The following L3MBTL2 variants were observed in gnomAD, a reference collection of about 807,000 sequenced individuals.
L3MBTL2 encodes lethal(3)malignant brain tumor-like protein 2.
A neutral mutation model predicts 86.4 loss-of-function variants in L3MBTL2; 49 were observed. The observed-to-expected ratio is 0.57, with a 90% CI of 0.45 to 0.72. The LOEUF (loss-of-function observed/expected upper bound fraction) is 0.72, where lower values mean the gene tolerates loss of function less well. Ranked by LOEUF, L3MBTL2 falls within the 30% of genes least tolerant of loss-of-function variation. The probability of loss-of-function intolerance (pLI) is 0.00; values close to 1 mark genes in which losing one functional copy is unlikely to be tolerated. For synonymous variants in L3MBTL2, 336 were observed against 350.6 expected (o/e 0.96, Z 0.47); for missense variants, 755 against 923.7 (o/e 0.82, Z 2.37).
Position 41,227,861 on chromosome 22 carries a change from G to A in L3MBTL2, c.1880G>A (p.Gly627Glu), listed in dbSNP as rs2032298474. The change falls in exon 15 of 17, where the codon GGG becomes GAG. Residue 627 changes from glycine to glutamate, a missense_variant. Gly to Glu is a moderately conservative substitution (Grantham distance 98, BLOSUM62 -2). Transcript: ENST00000216237. This position sits in a 1 kb window ranked among gnomAD's most constrained non-coding sequence, Gnocchi z 6.0. ...ACAAAGAAGAAAAAGAAACAGTTTG[G>A]GAAGAAAAGTAAGTGCTGCACCGGT... The part of the protein sequence containing the change: ...EATKKKKKQF[G>E]KKRKRIPPTK... The A allele has an allele frequency of 6.2e-7, 1 of 1,613,462 alleles. No homozygotes were observed. Among genetic ancestry groups the A allele is most frequent in the Admixed American group, 1.7e-5 (1 of 59,976 alleles).
rs556567485 is a variant in L3MBTL2 at position 41,225,231 on chromosome 22, C to G, written c.1356+160C>G. ...CTGACTTTTGTGAGTGGGGCCTGGC[C>G]TGCCCCTTGCTCAGAATCTGCTTTC... On this transcript the variant is annotated intron_variant, in intron 11 of 16. Transcript: ENST00000216237. The surrounding 1 kb of genome is among the most constrained non-coding windows in gnomAD (Gnocchi z 4.1). Among the ~76,000 whole-genome samples the G allele has an allele frequency of 2.4e-4, 37 of 152,352 alleles. No individual in the cohort carries two copies. Among genetic ancestry groups the G allele is most frequent in the African/African-American group, 8.9e-4 (37 of 41,586 alleles).
At chr22:41,214,986 G>C (rs1343912942) in intron 3 of L3MBTL2, among the ~76,000 whole-genome samples, 18 of 122,690 alleles carry the variant, frequency 1.5e-4, no homozygotes, top group Admixed American at 1.2e-3. Context: ...ACTCCAGCCT[G>C]GGGGGAAAAT....
intron 3 of L3MBTL2, chr22:41,214,618 A>C (rs1268238941): frequency 1.3e-5 from 2 of 152,202 alleles, no homozygotes; most frequent in Non-Finnish European, 2.9e-5. Context: ...ACCTCATCTC[A>C]GGGGCCTCAT....
At chr22:41,228,852 A>ACC (rs1555921639) in intron 15 of L3MBTL2, among the ~76,000 whole-genome samples, 2 of 126,030 alleles carry the variant, frequency 1.6e-5, no homozygotes, top group African/African-American at 6.8e-5. Context: ...TCCATCGCAC[A>ACC]AAAAAAAAAA....
chr22:41,226,796 C>G lies in L3MBTL2; in HGVS notation c.1587+52C>G, dbSNP rs770163537. The stretch of plus-strand genomic sequence containing the variant: ...GCCTGCGGTGGCCTCAGGACAGGCC[C>G]TGCCTGCTGCTGTCAGTGGTGGCAG... On this transcript the variant is annotated intron_variant, in intron 13 of 16. Coordinates refer to ENST00000216237, the MANE Select transcript of L3MBTL2 (RefSeq NM_031488.5). 42 of 1,260,720 alleles carry G rather than the reference C, an allele frequency of 3.3e-5. No homozygotes were observed. In the South Asian group the frequency reaches 4.9e-4, roughly 15 times the overall value. 78.1% of individuals were successfully genotyped at this position (1,260,720 alleles called of 1,614,324 possible). A position where few individuals can be genotyped will look rare whatever the true frequency, so the allele number is the denominator to read the frequency against.
chr22:41,208,291 G>C, intron 1 of L3MBTL2: 1 of 442,954 alleles, frequency 2.3e-6, no homozygotes. Context: ...CACCACACCT[G>C]GCTAATTTTT....
At position 41,224,267 on chromosome 22, in the gene L3MBTL2, G is replaced by T; in HGVS notation, c.1174+16G>T. On this transcript the variant is annotated intron_variant, in intron 9 of 16. Transcript: ENST00000216237. The surrounding 1 kb of genome is among the most constrained non-coding windows in gnomAD (Gnocchi z 4.9). Reference sequence around the variant, plus strand: ...AAGATGTCAGGTTAGCAGAGCCCCAGGCCAGAGGGACTGCATGCTGTGCTT... The same window carrying T: ...AAGATGTCAGGTTAGCAGAGCCCCATGCCAGAGGGACTGCATGCTGTGCTT... 1 of 1,592,368 alleles carries T rather than the reference G, an allele frequency of 6.3e-7. No homozygotes were observed. Among genetic ancestry groups the T allele is most frequent in the South Asian group, 1.1e-5 (1 of 90,458 alleles).
At position 41,209,922 on chromosome 22, in the gene L3MBTL2, G is replaced by A. The variant is rs1437133394; in HGVS notation, c.251G>A (p.Gly84Asp). Residue 84 changes from glycine (G) to aspartate (D), a missense_variant, in exon 2 of 17, where the codon GGT becomes GAT. Gly to Asp is a moderately conservative substitution (Grantham distance 94). This residue lies in a region of L3MBTL2 where 103 missense variants were observed against 105.2 expected (regional missense o/e 0.98). Coordinates refer to ENST00000216237, the MANE Select transcript of L3MBTL2 (RefSeq NM_031488.5). ...ACTCCTCGCTCCTTGGATGGCAGTG[G>A]TTCTGAGCCAGGTGCCTTCAGAGTG... The part of the protein sequence containing the change: ...PGTPRSLDGS[G>D]SEPAVCEMCG... 1 of 1,613,710 alleles carries A rather than the reference G, an allele frequency of 6.2e-7. No individual in the cohort carries two copies. The highest frequency in any genetic ancestry group is 8.5e-7 in the Non-Finnish European group (1 of 1,179,742).
Position 41,224,147 on chromosome 22 carries a change from A to G in L3MBTL2, c.1070A>G (p.Tyr357Cys), listed in dbSNP as rs1293438850. ...TVIGGRLRLL[Y>C]EDGDSDDDFW... ...ATCGGGGGTCGCCTACGGCTCCTCT[A>G]CGAGGATGGTGACAGTGACGACGAC... is the stretch of plus-strand genomic sequence containing the variant. Residue 357 changes from tyrosine to cysteine, a missense_variant, in exon 9 of 17, where the codon TAC becomes TGC. Transcript: ENST00000216237. This position sits in a 1 kb window ranked among gnomAD's most constrained non-coding sequence, Gnocchi z 4.9. The G allele has an allele frequency of 2.5e-6, 4 of 1,614,034 alleles. No individual in the cohort carries two copies. The highest frequency in any genetic ancestry group is 2.2e-5 in the East Asian group (1 of 44,872).
At chr22:41,226,192 G>A (rs1237311029) in intron 12 of L3MBTL2, among the ~76,000 whole-genome samples, 2 of 152,150 alleles carry the variant, frequency 1.3e-5, no homozygotes, top group African/African-American at 4.8e-5. Flanking sequence ...CAGGAGAATT[G>A]CTTGAACCCA....
intron 2 of L3MBTL2, among the ~76,000 whole-genome samples, chr22:41,212,419 C>T (rs2030952666): frequency 7.4e-6 from 1 of 134,748 alleles, no homozygotes; most frequent in Non-Finnish European, 1.6e-5. Flanking sequence ...TTTTTTGAGA[C>T]AGCGTTTCAC....
At position 41,224,312 on chromosome 22, in the gene L3MBTL2, G is replaced by A. The variant is rs2032037926; in HGVS notation, c.1174+61G>A. 1 of 1,365,496 alleles carries A rather than the reference G, an allele frequency of 7.3e-7. No individual in the cohort carries two copies. The highest frequency in any genetic ancestry group is 1.0e-6 in the Non-Finnish European group (1 of 973,098). 84.6% of individuals were successfully genotyped at this position (1,365,496 alleles called of 1,614,324 possible). A position where few individuals can be genotyped will look rare whatever the true frequency, so the allele number is the denominator to read the frequency against. On this transcript the variant is annotated intron_variant, in intron 9 of 16. Coordinates refer to ENST00000216237, the MANE Select transcript of L3MBTL2 (RefSeq NM_031488.5). This position sits in a 1 kb window ranked among gnomAD's most constrained non-coding sequence, Gnocchi z 4.9. ...GTGCTTCCCCAGGGACGGAGTGGGAGCACCTTCCTACTCGTCACAGCAGGT... is the reference window on the plus strand; with the variant it reads ...GTGCTTCCCCAGGGACGGAGTGGGAACACCTTCCTACTCGTCACAGCAGGT...
chr22:41,223,957 A>G, intron 8 of L3MBTL2, 63 bp from the exon 9 acceptor site: 1 of 1,296,064 alleles, frequency 7.7e-7, no homozygotes. Flanking sequence ...CACTCACCAG[A>G]GCAGGAGGGT....
intron 15 of L3MBTL2, chr22:41,228,277 G>C (rs1346267364): frequency 1.0e-5 from 10 of 985,352 alleles, no homozygotes; most frequent in Non-Finnish European, 1.2e-5. Context: ...TTCTTACCTC[G>C]AGACCTCTTT....
Position 41,230,076 on chromosome 22 carries a change from T to TCCACCC in L3MBTL2, c.2006-61_2006-60insACCCCC. The TCCACCC allele has an allele frequency of 4.4e-6, 4 of 912,384 alleles. No individual in the cohort carries two copies. The South Asian group carries it at 4.8e-5, about 11-fold the overall frequency. The allele number at this position is 912,384 out of a possible 1,614,324, so 56.5% of individuals were successfully genotyped here. A position where few individuals can be genotyped will look rare whatever the true frequency, so the allele number is the denominator to read the frequency against. On this transcript the variant is annotated intron_variant, in intron 16 of 16. Transcript: ENST00000216237. ...GGAGCCAGGTCCCTTTCCCAGCTCC[T>TCCACCC]CCGCCCCCACCCCTCCCAGAGTTAT...
chr22:41,211,911 C>T (rs139442), intron 2 of L3MBTL2, among the ~76,000 whole-genome samples: 52,476 of 115,100 alleles, frequency 0.46, 11,312 homozygotes, highest in African/African-American at 0.59. Context: ...TCACCCAGGC[C>T]GGAACGCAGT....
At position 41,220,866 on chromosome 22, in the gene L3MBTL2, G is replaced by A. The variant is rs1204966466; in HGVS notation, c.851G>A (p.Arg284Gln). The part of the protein sequence containing the change: ...AINSKILVPP[R>Q]TIHAKFTDWK... ...AACAGCAAGATCCTAGTGCCCCCAC[G>A]GAGTGAGTTGATGAGAACATTTCCT... Residue 284 changes from arginine to glutamine, a missense_variant and splice_region_variant, in exon 7 of 17, where the codon CGG becomes CAG. Arg to Gln is a conservative substitution (Grantham distance 43). Around this residue, in one of 3 missense-constraint regions of L3MBTL2, gnomAD observed 634 missense variants for 748.9 expected, o/e 0.85. Transcript: ENST00000216237. 22 of 1,612,674 alleles carry A rather than the reference G, an allele frequency of 1.4e-5. No homozygotes were observed. Among genetic ancestry groups the A allele is most frequent in the Middle Eastern group, 1.7e-4 (1 of 6,028 alleles).
Position 41,217,186 on chromosome 22 carries a change from T to C in L3MBTL2, c.584T>C (p.Val195Ala), listed in dbSNP as rs376044538. ...GATCACAGTTACAAGGCTGCTCCCG[T>C]CAGCTGTTTCAAGCACGTGAGTGCC... ...LKDHSYKAAP[V>A]SCFKHVPLYD... The change falls in exon 5 of 17, where the codon GTC (valine) becomes GCC (alanine). Residue 195 changes from valine (V) to alanine (A), a missense_variant. Coordinates refer to ENST00000216237, the MANE Select transcript of L3MBTL2 (RefSeq NM_031488.5). 1 of 1,613,362 alleles carries C rather than the reference T, an allele frequency of 6.2e-7. No individual in the cohort carries two copies. The highest frequency in any genetic ancestry group is 1.3e-5 in the African/African-American group (1 of 75,030).
intron 1 of L3MBTL2, 119 bp downstream of exon 1, chr22:41,205,505 C>A: frequency 8.1e-7 from 1 of 1,228,722 alleles, no homozygotes; most frequent in Non-Finnish European, 1.2e-6. Flanking sequence ...GATGGATAAA[C>A]TGAGGTAGTT....
Sources: gnomAD v4.1 joint callset for allele counts (sites outside exome capture counted in the v4.1 genomes callset) on GRCh38, gnomAD v4.1.1 for gene constraint, gnomAD v4.1.1 regional missense constraint, Gnocchi (gnomAD v3.1) non-coding constraint, MANE v1.5 for transcripts, NCBI Gene and HGNC (gene_info 2026-07-23, HGNC 2026-07-21) for gene names.